The following SETBP1 variants were observed in gnomAD, a reference collection of about 807,000 sequenced individuals.
SETBP1 encodes the protein SET binding protein 1, also known as SET-binding protein.
Under a neutral mutation model 101.0 loss-of-function variants are expected in SETBP1, and 9 were observed. That is an observed-to-expected ratio of 0.09 (90% CI 0.05 to 0.16). The LOEUF (loss-of-function observed/expected upper bound fraction) is 0.16. SETBP1 is among the 10% of genes least tolerant of loss of function. SETBP1 has a pLI of 1.00. For missense variants in SETBP1, 1,858 were observed against 2,033.8 expected (o/e 0.91, Z 1.66); for synonymous variants, 818 against 788.5 (o/e 1.04, Z -0.63).
At chr18:44,786,783 GT>G (rs1213984331) in intron 2 of SETBP1, among the ~76,000 whole-genome samples, 1 of 152,156 alleles carries the variant, frequency 6.6e-6, no homozygotes, top group African/African-American at 2.4e-5. Context: ...AGTGGCCTGG[GT>G]TTAGAGAGCC....
chr18:44,854,786 T>C (rs955121910), intron 2 of SETBP1, among the ~76,000 whole-genome samples: 3 of 152,154 alleles, frequency 2.0e-5, no homozygotes, highest in East Asian at 3.9e-4. Context: ...TTCTCCTCCA[T>C]ATTACCCCCC....
intron 4 of SETBP1, 77 bp downstream of exon 4, chr18:44,953,417 C>G: frequency 7.7e-7 from 1 of 1,303,576 alleles, no homozygotes; most frequent in Non-Finnish European, 1.1e-6. Flanking sequence ...ACATCTGTGG[C>G]ACATTGTGTT....
chr18:44,818,834 A>T lies in SETBP1; in HGVS notation c.487-50396A>T, dbSNP rs115885504. Among the ~76,000 whole-genome samples the T allele has an allele frequency of 4.6e-3, 705 of 151,880 alleles. 5 individuals carry two copies. The highest frequency in any genetic ancestry group is 0.012 in the African/African-American group (507 of 41,442). ...AGCGGTTAACCAGTGCCCTTCCACC[A>T]TCTCCCTCTGTGAAAACATGCTACC... On this transcript the variant is annotated intron_variant, in intron 2 of 5. Transcript: ENST00000649279.
intron 3 of SETBP1, among the ~76,000 whole-genome samples, chr18:44,932,642 T>C (rs1197617469): frequency 6.6e-6 from 1 of 152,222 alleles, no homozygotes; most frequent in Non-Finnish European, 1.5e-5. Context: ...TCATTTCTTT[T>C]TACTCTTTTT....
At chr18:44,882,279 C>T (rs922689613) in intron 3 of SETBP1, among the ~76,000 whole-genome samples, 11 of 151,978 alleles carry the variant, frequency 7.2e-5, no homozygotes, top group South Asian at 2.1e-4. Context: ...GAGTGAGCTG[C>T]GATTCTCCAT....
intron 4 of SETBP1, among the ~76,000 whole-genome samples, chr18:45,019,002 AC>A (rs2073005077): frequency 6.6e-6 from 1 of 152,162 alleles, no homozygotes; most frequent in Non-Finnish European, 1.5e-5. Context: ...AGATTTTCAA[AC>A]AAACACTGGA....
At chr18:44,876,021 C>T (rs2069394966) in intron 3 of SETBP1, among the ~76,000 whole-genome samples, 1 of 152,180 alleles carries the variant, frequency 6.6e-6, no homozygotes, top group African/African-American at 2.4e-5. Flanking sequence ...TGACAAGGGC[C>T]ATGAAAAAGC....
chr18:45,062,219 G>T (rs2073901509), intron 5 of SETBP1, among the ~76,000 whole-genome samples: 1 of 152,236 alleles, frequency 6.6e-6, no homozygotes, highest in South Asian at 2.1e-4. Context: ...CCTGAGACAA[G>T]AAGTTCGGCT....
At chr18:45,036,227 G>A (rs1599478313) in intron 4 of SETBP1, among the ~76,000 whole-genome samples, 1 of 151,936 alleles carries the variant, frequency 6.6e-6, no homozygotes, top group East Asian at 2.0e-4. Flanking sequence ...CAGCTACTCG[G>A]GAGGCTGAGG....
chr18:45,038,336 C>G lies in SETBP1; in HGVS notation c.4001-149C>G, dbSNP rs904159916. 13 of 806,910 alleles carry G rather than the reference C, an allele frequency of 1.6e-5. No homozygotes were observed. The Admixed American group carries it at 2.8e-4, about 17-fold the overall frequency. The allele number at this position is 806,910 out of a possible 1,614,324, so 50.0% of individuals were successfully genotyped here. ...AAAACCAGTCATAGCTATTTTTTCT[C>G]TTTTAGCATTTTTAAATTTCATTCT... On this transcript the variant is annotated intron_variant, in intron 4 of 5. Coordinates refer to ENST00000649279, the MANE Select transcript of SETBP1 (RefSeq NM_015559.3).
At chr18:44,978,492 T>C (rs1338770669) in intron 4 of SETBP1, among the ~76,000 whole-genome samples, 1 of 152,194 alleles carries the variant, frequency 6.6e-6, no homozygotes, top group African/African-American at 2.4e-5. Flanking sequence ...TACTACCTGG[T>C]ATTAACTTAT....
At chr18:44,845,073 T>G (rs758368970) in intron 2 of SETBP1, among the ~76,000 whole-genome samples, 11 of 152,300 alleles carry the variant, frequency 7.2e-5, no homozygotes, top group Middle Eastern at 3.4e-3. Context: ...GAGTGATATG[T>G]GGCTATTCCC....
chr18:44,752,906 G>GCTTA (rs989062643), intron 2 of SETBP1, among the ~76,000 whole-genome samples: 7 of 152,174 alleles, frequency 4.6e-5, no homozygotes, highest in Non-Finnish European at 7.4e-5. Flanking sequence ...TCTTGGAAGA[G>GCTTA]CTTACAACAT....
chr18:45,004,451 A>G (rs1420497062), intron 4 of SETBP1, among the ~76,000 whole-genome samples: 11 of 152,220 alleles, frequency 7.2e-5, no homozygotes, highest in South Asian at 2.1e-4. Flanking sequence ...TTCACTTTCT[A>G]TTGTGTAACC....
intron 2 of SETBP1, among the ~76,000 whole-genome samples, chr18:44,754,797 A>C (rs930892278): frequency 6.6e-6 from 1 of 152,210 alleles, no homozygotes; most frequent in African/African-American, 2.4e-5. Context: ...ACCTTCATGC[A>C]TCTGTTGCTG....
intron 4 of SETBP1, among the ~76,000 whole-genome samples, chr18:44,974,137 A>G (rs2071932711): frequency 6.6e-6 from 1 of 152,216 alleles, no homozygotes; most frequent in Non-Finnish European, 1.5e-5. Flanking sequence ...ATTTGATCAC[A>G]TTGTTATGAA....
At chr18:44,817,519 AC>A (rs2072005632) in intron 2 of SETBP1, among the ~76,000 whole-genome samples, 1 of 152,016 alleles carries the variant, frequency 6.6e-6, no homozygotes, top group Admixed American at 6.6e-5. Flanking sequence ...CCCCATCTCT[AC>A]TAAAAATACA....
intron 2 of SETBP1, among the ~76,000 whole-genome samples, chr18:44,847,516 C>T (rs997773462): frequency 1.3e-5 from 2 of 152,090 alleles, no homozygotes; most frequent in African/African-American, 2.4e-5. Flanking sequence ...GGGAATGGCT[C>T]GAAGCAAGCC....
intron 2 of SETBP1, among the ~76,000 whole-genome samples, chr18:44,781,168 T>TTTTTCCCATGAACAATGGAA (rs1388742134): frequency 6.6e-6 from 1 of 152,140 alleles, no homozygotes; most frequent in Non-Finnish European, 1.5e-5. Context: ...AACTCTGGAA[T>TTTTTCCCATGAACAATGGAA]TTTTCCCATG....
Sources: allele counts gnomAD v4.1 joint callset (sites outside exome capture counted in the v4.1 genomes callset), GRCh38; gene constraint gnomAD v4.1.1; transcripts MANE v1.5; gene names NCBI Gene and HGNC (gene_info 2026-07-23, HGNC 2026-07-21).